Variants in SRRM3 observed in about 807,000 individuals in gnomAD.
SRRM3 encodes the protein serine/arginine repetitive matrix 3.
Under a neutral mutation model 66.2 loss-of-function variants are expected in SRRM3, and 27 were observed. The ratio of observed to expected loss-of-function variants is 0.41; its 90% CI spans 0.30 to 0.56. SRRM3 has a LOEUF of 0.56. Ranked by LOEUF, SRRM3 falls within the 20% of genes least tolerant of loss-of-function variation. SRRM3 has a pLI of 0.32. For missense variants in SRRM3, 918 were observed against 991.9 expected (o/e 0.93, Z 1.00); for synonymous variants, 391 against 414.9 (o/e 0.94, Z 0.70).
chr7:76,218,399 T>C (rs1308909579), intron 1 of SRRM3, among the ~76,000 whole-genome samples: 1 of 152,144 alleles, frequency 6.6e-6, no homozygotes, highest in Non-Finnish European at 1.5e-5. Flanking sequence ...AAGCTGCTTC[T>C]GTAGAACATT....
At chr7:76,205,347 C>T (rs781817754) in intron 1 of SRRM3, among the ~76,000 whole-genome samples, 38 of 152,050 alleles carry the variant, frequency 2.5e-4, no homozygotes, top group Non-Finnish European at 1.2e-4. Flanking sequence ...GTAGCTGGGA[C>T]TACAGGCATG....
chr7:76,209,544 A>G (rs1325670916), intron 1 of SRRM3, among the ~76,000 whole-genome samples: 3 of 152,004 alleles, frequency 2.0e-5, no homozygotes, highest in Non-Finnish European at 4.4e-5. Context: ...ATAGGACAGG[A>G]CAGAGGGCAG....
chr7:76,252,183 G>C (rs1387378510), intron 3 of SRRM3, among the ~76,000 whole-genome samples: 5 of 152,174 alleles, frequency 3.3e-5, no homozygotes, highest in Admixed American at 1.3e-4. Context: ...AGTATCTATC[G>C]AGTCGGAAGG....
At chr7:76,280,168 C>T (rs1171359676) in intron 11 of SRRM3, among the ~76,000 whole-genome samples, 1 of 151,676 alleles carries the variant, frequency 6.6e-6, no homozygotes, top group Admixed American at 6.6e-5. Context: ...GAAAGACAGT[C>T]GGGTGCTACT....
intron 11 of SRRM3, chr7:76,267,808 T>C (rs1180867459): frequency 2.6e-5 from 5 of 194,358 alleles, no homozygotes; most frequent in African/African-American, 9.3e-5. Context: ...TGGACATTGA[T>C]AGGAGTCCCA....
intron 2 of SRRM3, among the ~76,000 whole-genome samples, chr7:76,237,905 C>T (rs1554605144): frequency 6.6e-6 from 1 of 152,066 alleles, no homozygotes; most frequent in Admixed American, 6.6e-5. Flanking sequence ...TGGCATTTGG[C>T]CACGTCCTGG....
At chr7:76,236,960 C>T (rs1281705213) in intron 2 of SRRM3, among the ~76,000 whole-genome samples, 2 of 152,148 alleles carry the variant, frequency 1.3e-5, no homozygotes, top group African/African-American at 4.8e-5. Flanking sequence ...GTGAATTAAA[C>T]CGGCAAATCC....
intron 1 of SRRM3, among the ~76,000 whole-genome samples, chr7:76,207,106 C>A (rs960958090): frequency 6.6e-6 from 1 of 151,634 alleles, no homozygotes; most frequent in East Asian, 1.9e-4. Context: ...TCAGCCTAGG[C>A]GGCATAGCAA....
At chr7:76,261,287 C>T in intron 6 of SRRM3, 65 bp from the exon 7 acceptor site, 1 of 686,560 alleles carries the variant, frequency 1.5e-6, no homozygotes, top group Non-Finnish European at 2.5e-6. Flanking sequence ...CCAGGTCTCT[C>T]CAGCCATTTC....
chr7:76,248,293 A>G lies in SRRM3; in HGVS notation c.335+4A>G, dbSNP rs1554606420. On this transcript the variant is annotated splice_donor_region_variant and intron_variant, in intron 3 of 14. Coordinates refer to ENST00000611745, the MANE Select transcript of SRRM3 (RefSeq NM_001110199.3). ...AGGACCGGCCTGGGGGCCACATGTG[A>G]GTGCTTACCTGTGTGGGGATGAGGG... is the stretch of plus-strand genomic sequence containing the variant. The G allele has an allele frequency of 6.2e-7, 1 of 1,609,382 alleles. No homozygotes were observed. Among genetic ancestry groups the G allele is most frequent in the Non-Finnish European group, 8.5e-7 (1 of 1,176,444 alleles).
At chr7:76,262,724 G>A (rs1449776487) in intron 8 of SRRM3, among the ~76,000 whole-genome samples, 1 of 152,032 alleles carries the variant, frequency 6.6e-6, no homozygotes, top group Admixed American at 6.6e-5. Flanking sequence ...GCTGAGGTAG[G>A]AGAATCGCTT....
chr7:76,202,362 C>T (rs1334966781), intron 1 of SRRM3, among the ~76,000 whole-genome samples: 8 of 152,300 alleles, frequency 5.3e-5, no homozygotes, highest in African/African-American at 1.9e-4. Context: ...CCCCCAACCG[C>T]AGTCCCACTG....
chr7:76,248,150 G>A, intron 2 of SRRM3, 38 bp from the exon 3 acceptor site: 1 of 1,558,240 alleles, frequency 6.4e-7, no homozygotes, highest in South Asian at 1.1e-5. Flanking sequence ...AACCAAATCT[G>A]GGAGACCAGC....
chr7:76,256,412 C>T (rs1554607692), intron 3 of SRRM3, among the ~76,000 whole-genome samples: 2 of 151,698 alleles, frequency 1.3e-5, no homozygotes, highest in Non-Finnish European at 2.9e-5. Flanking sequence ...GAGAATGAGG[C>T]AGGAGAATCG....
At position 76,259,959 on chromosome 7, in the gene SRRM3, C is replaced by T. The variant is rs368243241; in HGVS notation, c.389C>T (p.Ala130Val). The T allele has an allele frequency of 2.5e-6, 4 of 1,601,354 alleles. No individual in the cohort carries two copies. The African/African-American group carries it at 4.0e-5, about 16-fold the overall frequency. ...TEGAEPGLEYAPFDDDDGPVD... is the reference protein window; with the variant it reads ...TEGAEPGLEYVPFDDDDGPVD... ...GGCGCTGAGCCGGGCCTGGAGTACG[C>T]GCCCTTTGACGATGACGACGGCCCA... The change falls in exon 4 of 15, where the codon GCG becomes GTG. Residue 130 changes from alanine to valine, a missense_variant. Coordinates refer to ENST00000611745, the MANE Select transcript of SRRM3 (RefSeq NM_001110199.3).
intron 11 of SRRM3, among the ~76,000 whole-genome samples, chr7:76,277,991 G>A (rs528918578): frequency 1.7e-4 from 26 of 152,280 alleles, no homozygotes; most frequent in African/African-American, 6.3e-4. Context: ...ACTCTTTGAC[G>A]ACCCAGGGTA....
intron 10 of SRRM3, among the ~76,000 whole-genome samples, chr7:76,266,256 T>C (rs1436190529): frequency 8.3e-6 from 1 of 121,182 alleles, no homozygotes; most frequent in Non-Finnish European, 1.6e-5. Context: ...TTTATATATT[T>C]AATATATTTA....
intron 2 of SRRM3, among the ~76,000 whole-genome samples, chr7:76,243,991 G>A (rs943071596): frequency 2.6e-5 from 4 of 152,318 alleles, no homozygotes; most frequent in Admixed American, 6.5e-5. Context: ...GTGAATGCCC[G>A]AGTCTGAGGG....
chr7:76,234,123 C>T (rs1801081101), intron 1 of SRRM3, among the ~76,000 whole-genome samples: 1 of 146,008 alleles, frequency 6.8e-6, no homozygotes, highest in South Asian at 2.4e-4. Flanking sequence ...TAGCAACTAG[C>T]AGATCCTTGG....
Sources: gnomAD v4.1 joint callset for allele counts (sites outside exome capture counted in the v4.1 genomes callset) on GRCh38, gnomAD v4.1.1 for gene constraint, MANE v1.5 for transcripts, NCBI Gene and HGNC (gene_info 2026-07-23, HGNC 2026-07-21) for gene names.